Variants in PSMB1 observed in about 807,000 individuals in gnomAD.
PSMB1 encodes the protein proteasome subunit beta type-1.
PSMB1 carries 7 observed loss-of-function variants against 25.4 expected under a neutral mutation model. The ratio of observed to expected loss-of-function variants is 0.28; its 90% confidence interval spans 0.16 to 0.52. PSMB1 has a LOEUF of 0.52. PSMB1 is among the 20% of genes least tolerant of loss of function. The pLI is 0.97. For synonymous variants in PSMB1, 119 were observed against 115.0 expected, an observed-to-expected ratio of 1.03 and a Z score of -0.22; for missense variants, 284 against 302.2, an observed-to-expected ratio of 0.94 and a Z score of 0.45.
intron 4 of PSMB1, among the ~76,000 whole-genome samples, chr6:170,538,833 C>T (rs1778726409): frequency 2.0e-5 from 3 of 152,182 alleles, no homozygotes; most frequent in Non-Finnish European, 4.4e-5. Flanking sequence ...AGGCAATCCA[C>T]TAACCTCAAT....
At chr6:170,550,757 A>G (rs1378059468) in intron 1 of PSMB1, among the ~76,000 whole-genome samples, 1 of 152,176 alleles carries the variant, frequency 6.6e-6, no homozygotes, top group Non-Finnish European at 1.5e-5. Context: ...TATCTACGCA[A>G]ATGTTTTAGG....
intron 4 of PSMB1, among the ~76,000 whole-genome samples, chr6:170,540,588 C>CAAAAAAAAA (rs5881872): frequency 6.0e-4 from 37 of 61,168 alleles, no homozygotes; most frequent in African/African-American, 1.1e-3. Context: ...GAATGGACAG[C>CAAAAAAAAA]AAAAAAAAAA....
Position 170,549,106 on chromosome 6 carries a change from G to A in PSMB1, c.121C>T (p.Leu41=). The change falls in exon 2 of 6, where the codon CTG becomes TTG. Residue 41 remains leucine (L), a synonymous_variant. Coordinates refer to ENST00000262193, the MANE Select transcript of PSMB1 (RefSeq NM_002793.4). The stretch of plus-strand genomic sequence containing the variant: ...GCAAAATCTTCTCCAGCAATTGCCA[G>A]TATAGTACTGAGGAAAAAAGAAAAA... The part of the protein sequence containing the change: ...SPYVFNGGTI[L]AIAGEDFAIV... 6.2e-7 allele frequency: 1 copy of A among 1,608,016 alleles called. No individual in the cohort carries two copies. Among genetic ancestry groups the A allele is most frequent in the Non-Finnish European group, 8.5e-7 (1 of 1,174,980 alleles).
intron 1 of PSMB1, among the ~76,000 whole-genome samples, chr6:170,552,035 A>G (rs980630893): frequency 6.6e-6 from 1 of 152,236 alleles, no homozygotes; most frequent in Non-Finnish European, 1.5e-5. Context: ...ATGTGCATTT[A>G]TATTTCAAAT....
chr6:170,538,758 T>C (rs997677542), intron 4 of PSMB1, among the ~76,000 whole-genome samples: 4 of 152,068 alleles, frequency 2.6e-5, no homozygotes, highest in Non-Finnish European at 5.9e-5. Context: ...CCATCTGAGG[T>C]CACCTAAGAA....
intron 4 of PSMB1, among the ~76,000 whole-genome samples, chr6:170,539,279 T>C (rs142741410): frequency 2.0e-4 from 31 of 152,256 alleles, no homozygotes; most frequent in African/African-American, 7.5e-4. Flanking sequence ...GGCAAGAAAC[T>C]GAATGTCATA....
At chr6:170,541,885 C>G (rs1328850998) in intron 4 of PSMB1, among the ~76,000 whole-genome samples, 3 of 152,152 alleles carry the variant, frequency 2.0e-5, no homozygotes, top group Non-Finnish European at 2.9e-5. Context: ...CTCGGAAAAA[C>G]TCAAAGGATG....
chr6:170,542,713 A>G (rs1778771375), intron 4 of PSMB1, among the ~76,000 whole-genome samples: 1 of 152,166 alleles, frequency 6.6e-6, no homozygotes, highest in South Asian at 2.1e-4. Context: ...TGGAACCCCA[A>G]CTAGGTTCGG....
At chr6:170,548,220 C>A (rs893309737) in intron 2 of PSMB1, among the ~76,000 whole-genome samples, 2 of 152,182 alleles carry the variant, frequency 1.3e-5, no homozygotes, top group Admixed American at 1.3e-4. Context: ...CTACTTCCTA[C>A]AATACAAGGA....
At chr6:170,541,505 A>C (rs916015895) in intron 4 of PSMB1, among the ~76,000 whole-genome samples, 1 of 152,168 alleles carries the variant, frequency 6.6e-6, no homozygotes, top group African/African-American at 2.4e-5. Flanking sequence ...CCAGAACAAA[A>C]CACCAAAAGA....
At chr6:170,549,398 G>A (rs530816632) in intron 1 of PSMB1, 8 of 337,834 alleles carry the variant, frequency 2.4e-5, no homozygotes, top group African/African-American at 1.0e-4. Flanking sequence ...ACTTACTCGC[G>A]CAAGGTACTA....
At position 170,535,361 on chromosome 6, in the gene PSMB1, G is replaced by A. The variant is rs775331457; in HGVS notation, c.585C>T (p.Ser195=). 6.2e-7 allele frequency: 1 copy of A among 1,614,092 alleles called. No homozygotes were observed. The highest frequency in any genetic ancestry group is 8.5e-7 in the Non-Finnish European group (1 of 1,180,010). ...TCACCAGCCGCATGGCTCTGTCCAA[G>A]GACAGCGGAACATGCTCCACATTCT... ...NMQNVEHVPL[S]LDRAMRLVKD... The change falls in exon 6 of 6, where the codon TCC becomes TCT. Residue 195 remains serine (S), a synonymous_variant. Coordinates refer to ENST00000262193, the MANE Select transcript of PSMB1 (RefSeq NM_002793.4).
intron 5 of PSMB1, among the ~76,000 whole-genome samples, chr6:170,535,718 C>T (rs903874246): frequency 6.6e-6 from 1 of 152,176 alleles, no homozygotes; most frequent in South Asian, 2.1e-4. Context: ...AGAGCCCCAA[C>T]AGATGTCCAC....
At chr6:170,539,152 C>G (rs1208077412) in intron 4 of PSMB1, among the ~76,000 whole-genome samples, 1 of 152,138 alleles carries the variant, frequency 6.6e-6, no homozygotes. Context: ...TTACAAAGTG[C>G]TTTTCCTCAT....
chr6:170,538,523 A>AC (rs1345756790), intron 4 of PSMB1, among the ~76,000 whole-genome samples: 4 of 152,128 alleles, frequency 2.6e-5, no homozygotes, highest in African/African-American at 9.7e-5. Context: ...ACACAGTGAA[A>AC]CCCCATCTCT....
intron 4 of PSMB1, 141 bp downstream of exon 4, chr6:170,543,457 TTTC>T (rs1227342055): frequency 3.4e-6 from 3 of 892,502 alleles, no homozygotes; most frequent in Admixed American, 5.8e-5. Flanking sequence ...TTAGCTTCAG[TTTC>T]TTCATCACTT....
intron 4 of PSMB1, among the ~76,000 whole-genome samples, chr6:170,538,788 G>A (rs1778725801): frequency 6.6e-6 from 1 of 152,172 alleles, no homozygotes; most frequent in Admixed American, 6.5e-5. Context: ...TATTTTTGCT[G>A]GAAGCAAGCT....
intron 4 of PSMB1, among the ~76,000 whole-genome samples, chr6:170,538,283 A>G (rs1330149645): frequency 6.6e-6 from 1 of 152,246 alleles, no homozygotes; most frequent in Non-Finnish European, 1.5e-5. Flanking sequence ...TTAAAAACAT[A>G]ACTGATTTAG....
At chr6:170,551,924 G>C (rs1778908111) in intron 1 of PSMB1, among the ~76,000 whole-genome samples, 1 of 152,170 alleles carries the variant, frequency 6.6e-6, no homozygotes. Flanking sequence ...GGAAGATAAG[G>C]AAATTTAGGT....
Sources: allele counts gnomAD v4.1 joint callset (sites outside exome capture counted in the v4.1 genomes callset), GRCh38; gene constraint gnomAD v4.1.1; transcripts MANE v1.5; gene names NCBI Gene and HGNC (gene_info 2026-07-23, HGNC 2026-07-21).